The following OR51B5 variants were observed in gnomAD, a reference collection of about 807,000 sequenced individuals.
OR51B5 encodes olfactory receptor family 51 subfamily B member 5.
For synonymous variants in OR51B5, 186 were observed against 144.8 expected (o/e 1.28, Z -2.04); for missense variants, 456 against 374.6 (o/e 1.22, Z -1.79).
intron 1 of OR51B5, among the ~76,000 whole-genome samples, chr11:5,413,514 C>CAATTT (rs1850184719): frequency 6.6e-6 from 1 of 151,800 alleles, no homozygotes; most frequent in Non-Finnish European, 1.5e-5. Flanking sequence ...AAACCAAAGG[C>CAATTT]AAAGAAGTTA....
intron 1 of OR51B5, among the ~76,000 whole-genome samples, chr11:5,484,025 G>A (rs1851465251): frequency 6.6e-6 from 1 of 151,860 alleles, no homozygotes; most frequent in South Asian, 2.1e-4. Flanking sequence ...CAAAGCCACT[G>A]CACCACCACA....
chr11:5,353,038 T>A (rs4243957), intron 1 of OR51B5, among the ~76,000 whole-genome samples: 1 of 151,520 alleles, frequency 6.6e-6, no homozygotes, highest in African/African-American at 2.4e-5. Flanking sequence ...CATTTTTGGC[T>A]TCAGACATAC....
intron 1 of OR51B5, among the ~76,000 whole-genome samples, chr11:5,413,259 G>C (rs1339446184): frequency 1.3e-5 from 2 of 152,068 alleles, no homozygotes; most frequent in Non-Finnish European, 2.9e-5. Context: ...CAAACAGAAA[G>C]GACATCCACA....
intron 1 of OR51B5, among the ~76,000 whole-genome samples, chr11:5,457,578 CCCA>C (rs1351272457): frequency 6.6e-6 from 1 of 152,308 alleles, no homozygotes; most frequent in African/African-American, 2.4e-5. Flanking sequence ...AATTTACATT[CCCA>C]CCAACAGAGT....
Position 5,415,957 on chromosome 11 carries a change from G to A in OR51B5, n.85-69047C>T, listed in dbSNP as rs1480965473. On this transcript the variant is annotated intron_variant and non_coding_transcript_variant, in intron 1 of 4. Coordinates refer to the OR51B5 transcript ENST00000415970. ...CAGCATCATCCTGATACCAAAGCCG[G>A]GCAGAGACACAACCAAAAAAGAGAA... Among the ~76,000 whole-genome samples, 5 of 144,848 alleles carry A rather than the reference G, an allele frequency of 3.5e-5. No individual in the cohort carries two copies. In the South Asian group the frequency reaches 1.2e-3, roughly 35 times the overall value.
rs139951426 is a variant in OR51B5 at position 5,384,713 on chromosome 11, T to C, written n.85-37803A>G. ...TTCACTTATTCAACAAATTATTAAA[T>C]GCATTTTATATGCTGGTCCAGTTAA... On this transcript the variant is annotated intron_variant and non_coding_transcript_variant, in intron 1 of 4. Transcript: ENST00000415970. Among the ~76,000 whole-genome samples the C allele has an allele frequency of 2.1e-3, 317 of 152,350 alleles. 1 individual carries two copies. Among genetic ancestry groups the C allele is most frequent in the African/African-American group, 7.2e-3 (301 of 41,580 alleles).
chr11:5,385,346 TG>T (rs1849670866), intron 1 of OR51B5: 1 of 152,054 alleles, frequency 6.6e-6, no homozygotes, highest in South Asian at 2.1e-4. Context: ...TCATTGTCTC[TG>T]TATAGACATC....
chr11:5,484,466 G>C (rs1388906548), intron 1 of OR51B5, among the ~76,000 whole-genome samples: 2 of 152,190 alleles, frequency 1.3e-5, no homozygotes, highest in Admixed American at 6.5e-5. Flanking sequence ...GAAGATGGTA[G>C]TGATTCCAGC....
At chr11:5,342,997 G>C (rs751879081) in exon 1 of OR51B5, 1 of 1,613,510 alleles carries the variant, frequency 6.2e-7, no homozygotes, top group Non-Finnish European at 8.5e-7. Flanking sequence ...GGTGAAGGCA[G>C]AATGCATGTG....
intron 1 of OR51B5, chr11:5,423,195 G>C: frequency 6.7e-7 from 1 of 1,496,060 alleles, no homozygotes; most frequent in Middle Eastern, 1.8e-4. Flanking sequence ...ATGAGTCATA[G>C]GCTTAAGGGG....
intron 1 of OR51B5, chr11:5,391,857 C>A (rs543601253): frequency 6.6e-6 from 1 of 152,140 alleles, no homozygotes; most frequent in Non-Finnish European, 1.5e-5. Context: ...TTACTTGAGT[C>A]CAGGAGTTTG....
intron 1 of OR51B5, among the ~76,000 whole-genome samples, chr11:5,405,201 C>T (rs1356295439): frequency 6.6e-6 from 1 of 152,092 alleles, no homozygotes; most frequent in Non-Finnish European, 1.5e-5. Context: ...TTATTTTCAT[C>T]ACTTCCTATA....
chr11:5,435,399 C>T (rs1850578902), intron 1 of OR51B5, among the ~76,000 whole-genome samples: 2 of 152,148 alleles, frequency 1.3e-5, no homozygotes, highest in Admixed American at 6.5e-5. Context: ...TCTTGCAGAA[C>T]ACTTATGTTA....
At chr11:5,486,496 T>C (rs1433301145) in intron 1 of OR51B5, among the ~76,000 whole-genome samples, 9 of 122 alleles carry the variant, frequency 0.074, no homozygotes, top group African/African-American at 0.11. Flanking sequence ...CACGAAAATG[T>C]AAGACTCTGC....
intron 1 of OR51B5, chr11:5,468,723 T>C (rs1362404524): frequency 2.2e-6 from 1 of 456,532 alleles, no homozygotes; most frequent in Non-Finnish European, 4.4e-6. Context: ...CTCTCACCCC[T>C]GGAGGCAATG....
intron 1 of OR51B5, among the ~76,000 whole-genome samples, chr11:5,481,770 A>G (rs1345156104): frequency 8.0e-6 from 1 of 124,326 alleles, no homozygotes; most frequent in East Asian, 3.1e-4. Flanking sequence ...TTCAAAGAGA[A>G]TAAAATACCT....
At chr11:5,388,640 C>T (rs771289111) in intron 1 of OR51B5, among the ~76,000 whole-genome samples, 24 of 150,320 alleles carry the variant, frequency 1.6e-4, no homozygotes, top group African/African-American at 4.4e-4. Flanking sequence ...AGGATATACA[C>T]GGAGAGAAAA....
intron 1 of OR51B5, among the ~76,000 whole-genome samples, chr11:5,466,450 A>G (rs115839880): frequency 5.9e-5 from 9 of 152,338 alleles, no homozygotes; most frequent in Non-Finnish European, 8.8e-5. Context: ...AGCCTAAAAA[A>G]TATTGAAGTC....
At chr11:5,389,055 A>T (rs1849748142) in intron 1 of OR51B5, among the ~76,000 whole-genome samples, 1 of 152,202 alleles carries the variant, frequency 6.6e-6, no homozygotes, top group African/African-American at 2.4e-5. Context: ...TATGGATGGT[A>T]AATGAAATCA....
Sources: gnomAD v4.1 joint callset for allele counts (sites outside exome capture counted in the v4.1 genomes callset) on GRCh38, gnomAD v4.1.1 for gene constraint, MANE v1.5 for transcripts, NCBI Gene and HGNC (gene_info 2026-07-23, HGNC 2026-07-21) for gene names.